The following PRIM1 variants were observed in gnomAD, a reference collection of about 807,000 sequenced individuals.
PRIM1 encodes DNA primase subunit 1.
PRIM1 carries 38 observed loss-of-function variants against 60.2 expected under a neutral mutation model. The observed-to-expected ratio is 0.63, with a 90% CI of 0.49 to 0.83. The LOEUF is 0.83. PRIM1 is among the 40% of genes least tolerant of loss of function. PRIM1 has a pLI of 0.00. For synonymous variants in PRIM1, 158 were observed against 160.2 expected (o/e 0.99, Z 0.10); for missense variants, 388 against 506.2 (o/e 0.77, Z 2.24).
chr12:56,751,966 GTTTT>G (rs66861394), intron 1 of PRIM1, among the ~76,000 whole-genome samples: 6 of 79,348 alleles, frequency 7.6e-5, no homozygotes, highest in East Asian at 7.5e-4. Context: ...CGGCGGCTCT[GTTTT>G]TTTTTTTTTT....
intron 6 of PRIM1, 28 bp downstream of exon 6, chr12:56,744,036 TA>T: frequency 6.6e-7 from 1 of 1,511,470 alleles, no homozygotes; most frequent in Non-Finnish European, 9.0e-7. Flanking sequence ...TCAGACACCT[TA>T]AAGTGCTTGG....
At chr12:56,733,923 A>G (rs1953803619) in intron 12 of PRIM1, among the ~76,000 whole-genome samples, 1 of 152,170 alleles carries the variant, frequency 6.6e-6, no homozygotes, top group African/African-American at 2.4e-5. Flanking sequence ...AGGAGGCATG[A>G]TGTTAATTCA....
chr12:56,743,799 T>C, intron 6 of PRIM1: 1 of 341,496 alleles, frequency 2.9e-6, no homozygotes, highest in Non-Finnish European at 5.3e-6. Flanking sequence ...GATGCCAAGC[T>C]CATTATAAAA....
In PRIM1 at chr12:56,741,476, T is replaced by C. The variant is rs1399364184; in HGVS notation, c.941A>G (p.Asn314Ser). 6 of 1,613,750 alleles carry C rather than the reference T, an allele frequency of 3.7e-6. No homozygotes were observed. The Admixed American group carries it at 5.0e-5, about 13-fold the overall frequency. ...RLDINVSKGI[N>S]HLLKSPFSVH... ...ACTAAAAGGGCTCTTCAGTAGATGA[T>C]TGATTCCTTTGCTGACATTGATATC... Residue 314 changes from asparagine to serine, a missense_variant, in exon 9 of 13, where the codon AAT becomes AGT. By Grantham distance (46) the Asn-to-Ser change is conservative (BLOSUM62 1). This residue lies in a region of PRIM1 where 211 missense variants were observed against 277.9 expected (regional missense o/e 0.76). Coordinates refer to ENST00000338193, the MANE Select transcript of PRIM1 (RefSeq NM_000946.3).
intron 10 of PRIM1, 122 bp from the exon 11 acceptor site, chr12:56,738,647 G>A: frequency 1.1e-6 from 1 of 950,622 alleles, no homozygotes; most frequent in Non-Finnish European, 1.5e-6. Flanking sequence ...CGCCTCCCAG[G>A]TTCAAGTGAT....
At chr12:56,737,729 T>G (rs951673806) in intron 11 of PRIM1, among the ~76,000 whole-genome samples, 24 of 151,734 alleles carry the variant, frequency 1.6e-4, no homozygotes, top group African/African-American at 3.6e-4. Flanking sequence ...AATTCTTTTT[T>G]TTTGTTTGTT....
rs963225948 is a variant in PRIM1 at position 56,739,480 on chromosome 12, T to C, written c.983-117A>G. On this transcript the variant is annotated intron_variant, in intron 9 of 12. Coordinates refer to ENST00000338193, the MANE Select transcript of PRIM1 (RefSeq NM_000946.3). The stretch of plus-strand genomic sequence containing the variant: ...TAAGGCTTAGACAAAGGGTTAAACT[T>C]ATCTGTTAAGAAGAGTATTTAGAAA... 3 of 579,558 alleles carry C rather than the reference T, an allele frequency of 5.2e-6. No individual in the cohort carries two copies. The African/African-American group carries it at 5.6e-5, about 11-fold the overall frequency. The allele number at this position is 579,558 out of a possible 1,614,324, so 35.9% of individuals were successfully genotyped here. A position where few individuals can be genotyped will look rare whatever the true frequency, so the allele number is the denominator to read the frequency against.
At chr12:56,748,423 C>T (rs940522704) in intron 2 of PRIM1, among the ~76,000 whole-genome samples, 2 of 151,848 alleles carry the variant, frequency 1.3e-5, no homozygotes, top group South Asian at 2.1e-4. Flanking sequence ...GTCAGGAGAT[C>T]GAGACCAACC....
chr12:56,742,189 G>A (rs1592333778), intron 7 of PRIM1: 1 of 301,086 alleles, frequency 3.3e-6, no homozygotes, highest in Non-Finnish European at 6.4e-6. Flanking sequence ...CAAGGTGAAG[G>A]TTGCAGTGAG....
At chr12:56,732,123 C>G (rs1473448089) in intron 12 of PRIM1, among the ~76,000 whole-genome samples, 1 of 152,162 alleles carries the variant, frequency 6.6e-6, no homozygotes, top group Non-Finnish European at 1.5e-5. Flanking sequence ...TCTAGAGTAG[C>G]CTTCATCTCT....
intron 12 of PRIM1, among the ~76,000 whole-genome samples, chr12:56,733,139 G>A (rs1195280655): frequency 6.8e-6 from 1 of 147,990 alleles, no homozygotes; most frequent in Non-Finnish European, 1.5e-5. Flanking sequence ...ACAGGTGTGA[G>A]CCACCGTGTC....
At chr12:56,731,971 GT>G (rs1953788150) in intron 12 of PRIM1, among the ~76,000 whole-genome samples, 1 of 152,206 alleles carries the variant, frequency 6.6e-6, no homozygotes, top group South Asian at 2.1e-4. Context: ...CAAGCTCAGA[GT>G]TGTTGTTCAT....
intron 6 of PRIM1, chr12:56,743,578 T>A (rs1953887237): frequency 6.4e-6 from 1 of 156,334 alleles, no homozygotes; most frequent in Non-Finnish European, 1.4e-5. Context: ...GTTCTCCCCA[T>A]CATAGAGATA....
At chr12:56,734,778 T>TATATATATATATATA (rs1555228415) in intron 11 of PRIM1, among the ~76,000 whole-genome samples, 26 of 140,278 alleles carry the variant, frequency 1.9e-4, no homozygotes, top group African/African-American at 6.2e-4. Flanking sequence ...TCTTTTATAT[T>TATATATATATATATA]TATATATATA....
At chr12:56,746,634 A>G in intron 4 of PRIM1, 147 bp downstream of exon 4, 1 of 519,480 alleles carries the variant, frequency 1.9e-6, no homozygotes, top group South Asian at 2.1e-5. Context: ...CGTCACACAC[A>G]CACACACACA....
intron 1 of PRIM1, 148 bp downstream of exon 1, chr12:56,752,048 G>T: frequency 2.2e-5 from 7 of 325,066 alleles, no homozygotes; most frequent in East Asian, 7.5e-5. Flanking sequence ...TTACACCTAT[G>T]AAGTGGTGGG....
chr12:56,743,396 G>T (rs2137864315), intron 6 of PRIM1: 1 of 203,042 alleles, frequency 4.9e-6, no homozygotes, highest in East Asian at 1.5e-4. Flanking sequence ...ACCAACCCAG[G>T]ACACCATAAT....
chr12:56,733,925 G>A (rs1953803645), intron 12 of PRIM1, among the ~76,000 whole-genome samples: 1 of 152,112 alleles, frequency 6.6e-6, no homozygotes, highest in Admixed American at 6.6e-5. Flanking sequence ...GAGGCATGAT[G>A]TTAATTCATC....
chr12:56,746,723 T>C lies in PRIM1; in HGVS notation c.442+58A>G, dbSNP rs369694686. Reference sequence around the variant, plus strand: ...AAATACAGAGACTAATAGTTAATAGTAGTCAGAGGAAAACCGATTCTTACA... The same window carrying C: ...AAATACAGAGACTAATAGTTAATAGCAGTCAGAGGAAAACCGATTCTTACA... On this transcript the variant is annotated intron_variant, in intron 4 of 12. Coordinates refer to ENST00000338193, the MANE Select transcript of PRIM1 (RefSeq NM_000946.3). 7 of 1,448,442 alleles carry C rather than the reference T, an allele frequency of 4.8e-6. No individual in the cohort carries two copies. In the African/African-American group the frequency reaches 7.0e-5, roughly 15 times the overall value. 89.7% of individuals were successfully genotyped at this position (1,448,442 alleles called of 1,614,324 possible).
Sources: gnomAD v4.1 joint callset for allele counts (sites outside exome capture counted in the v4.1 genomes callset) on GRCh38, gnomAD v4.1.1 for gene constraint, gnomAD v4.1.1 regional missense constraint, MANE v1.5 for transcripts, NCBI Gene and HGNC (gene_info 2026-07-23, HGNC 2026-07-21) for gene names.